Variants in ZNF804B observed in about 807,000 individuals in gnomAD.
The protein encoded by ZNF804B is zinc finger protein 804B, also known as zinc finger 804B.
A neutral mutation model predicts 101.4 loss-of-function variants in ZNF804B; 80 were observed. That is an observed-to-expected ratio of 0.79 (90% CI 0.66 to 0.95). The LOEUF (loss-of-function observed/expected upper bound fraction) is 0.95, where lower values mean the gene tolerates loss of function less well. Among genes scored for constraint, ZNF804B ranks in the 40% least tolerant of loss-of-function variants. The pLI is 0.00. For missense variants in ZNF804B, 1,673 were observed against 1,561.9 expected, an observed-to-expected ratio of 1.07 and a Z score of -1.20; for synonymous variants, 622 against 558.8, an observed-to-expected ratio of 1.11 and a Z score of -1.59.
At chr7:89,174,790 A>G (rs573042371) in intron 1 of ZNF804B, among the ~76,000 whole-genome samples, 19 of 152,002 alleles carry the variant, frequency 1.2e-4, no homozygotes, top group Admixed American at 1.2e-3. Flanking sequence ...AAAACACATA[A>G]CTAGGGTGAC....
chr7:89,038,292 G>A lies in ZNF804B; in HGVS notation c.109-179863G>A, dbSNP rs756398554. The stretch of plus-strand genomic sequence containing the variant: ...ATTTACATTTCTACCAACAGTGTAC[G>A]AGAGTTCCCTTCTCTCCACATCCTT... On this transcript the variant is annotated intron_variant, in intron 1 of 3. Coordinates refer to ENST00000333190, the MANE Select transcript of ZNF804B (RefSeq NM_181646.5). Among the ~76,000 whole-genome samples the A allele has an allele frequency of 3.3e-5, 5 of 152,038 alleles. No individual in the cohort carries two copies. In the South Asian group the frequency reaches 8.3e-4, roughly 25 times the overall value.
chr7:88,930,314 A>T (rs1352955452), intron 1 of ZNF804B, among the ~76,000 whole-genome samples: 1 of 151,974 alleles, frequency 6.6e-6, no homozygotes, highest in Non-Finnish European at 1.5e-5. Context: ...AAATTTGGCC[A>T]GTGATCTGCA....
At chr7:88,944,812 A>C (rs1793103615) in intron 1 of ZNF804B, among the ~76,000 whole-genome samples, 1 of 151,906 alleles carries the variant, frequency 6.6e-6, no homozygotes, top group Non-Finnish European at 1.5e-5. Flanking sequence ...TGACAGACTC[A>C]AGTAGAAAAT....
At chr7:88,789,558 G>C (rs1790348670) in intron 1 of ZNF804B, among the ~76,000 whole-genome samples, 1 of 151,898 alleles carries the variant, frequency 6.6e-6, no homozygotes, top group Non-Finnish European at 1.5e-5. Flanking sequence ...GTACTTTTTG[G>C]GTTCTCTCTG....
intron 1 of ZNF804B, among the ~76,000 whole-genome samples, chr7:89,010,100 C>T (rs578192298): frequency 2.8e-4 from 43 of 152,206 alleles, no homozygotes; most frequent in Non-Finnish European, 4.7e-4. Context: ...AACAAAAGGA[C>T]TGTTTCTCTT....
chr7:88,933,928 A>G (rs560911446), intron 1 of ZNF804B, among the ~76,000 whole-genome samples: 1 of 98,578 alleles, frequency 1.0e-5, no homozygotes, highest in Admixed American at 1.0e-4. Flanking sequence ...ATTTGTATTA[A>G]ACCAAAAAAA....
intron 1 of ZNF804B, among the ~76,000 whole-genome samples, chr7:88,805,616 T>C (rs1034014909): frequency 8.5e-5 from 13 of 152,280 alleles, no homozygotes; most frequent in African/African-American, 3.1e-4. Context: ...ACTTTTTTTG[T>C]GAAGACAATT....
At chr7:88,914,338 C>G (rs986795350) in intron 1 of ZNF804B, among the ~76,000 whole-genome samples, 1 of 152,132 alleles carries the variant, frequency 6.6e-6, no homozygotes, top group African/African-American at 2.4e-5. Flanking sequence ...GGCGTGCTCT[C>G]TCCTGCTCCT....
chr7:89,299,978 A>T (rs1236898187), intron 2 of ZNF804B, among the ~76,000 whole-genome samples: 1 of 151,790 alleles, frequency 6.6e-6, no homozygotes. Flanking sequence ...ATTTCCCAAC[A>T]ATTAATTCTG....
chr7:89,312,655 G>A (rs929921860), intron 2 of ZNF804B, among the ~76,000 whole-genome samples: 3 of 151,974 alleles, frequency 2.0e-5, no homozygotes, highest in African/African-American at 4.8e-5. Flanking sequence ...AAATACTTTA[G>A]CCCATTTCAC....
At chr7:89,217,146 T>C (rs1019893126) in intron 1 of ZNF804B, among the ~76,000 whole-genome samples, 1 of 152,192 alleles carries the variant, frequency 6.6e-6, no homozygotes, top group Admixed American at 6.5e-5. Context: ...TGAAAACAGA[T>C]AATTTAATGC....
chr7:89,115,587 G>T (rs1407761846), intron 1 of ZNF804B, among the ~76,000 whole-genome samples: 3 of 152,132 alleles, frequency 2.0e-5, no homozygotes, highest in South Asian at 2.1e-4. Context: ...GGAAGTTGAT[G>T]ATCTAAAAAT....
intron 1 of ZNF804B, among the ~76,000 whole-genome samples, chr7:88,982,280 T>C (rs1419963722): frequency 9.2e-5 from 14 of 152,094 alleles, no homozygotes; most frequent in Admixed American, 9.2e-4. Flanking sequence ...GTCAACACTT[T>C]AATAGTCTGA....
Position 89,282,273 on chromosome 7 carries a change from C to G in ZNF804B, c.250-45071C>G, listed in dbSNP as rs1376223497. ...TCTGGTTACTGCTTTTAACCAGATC[C>G]CAGCCTATGGAAGCTACCAAATTCA... On this transcript the variant is annotated intron_variant, in intron 2 of 3. Transcript: ENST00000333190. Among the ~76,000 whole-genome samples, 4 of 151,572 alleles carry G rather than the reference C, an allele frequency of 2.6e-5. No individual in the cohort carries two copies. The East Asian group carries it at 7.8e-4, about 29-fold the overall frequency.
At chr7:88,779,944 C>T (rs1790197808) in intron 1 of ZNF804B, among the ~76,000 whole-genome samples, 1 of 152,102 alleles carries the variant, frequency 6.6e-6, no homozygotes, top group African/African-American at 2.4e-5. Context: ...AAAAAACTGT[C>T]CAACTGGTCA....
intron 1 of ZNF804B, among the ~76,000 whole-genome samples, chr7:89,205,686 G>A (rs112357804): frequency 3.0e-4 from 46 of 152,252 alleles, no homozygotes; most frequent in African/African-American, 9.9e-4. Flanking sequence ...ACTTTGCAGG[G>A]TACATTCCCC....
intron 1 of ZNF804B, among the ~76,000 whole-genome samples, chr7:88,902,067 T>C (rs771589439): frequency 2.6e-5 from 4 of 151,954 alleles, no homozygotes; most frequent in Non-Finnish European, 4.4e-5. Context: ...TGCATAGATA[T>C]TACAACATTC....
intron 1 of ZNF804B, among the ~76,000 whole-genome samples, chr7:89,203,666 C>T (rs1055486508): frequency 6.6e-6 from 1 of 152,030 alleles, no homozygotes; most frequent in African/African-American, 2.4e-5. Flanking sequence ...AATGGTGTGC[C>T]TTTGTGAACA....
Position 89,320,351 on chromosome 7 carries a change from C to G in ZNF804B, c.250-6993C>G, listed in dbSNP as rs550794529. ...CTATAAAAAAGAATAAATAAAAATG[C>G]TAGAAACTAAAAACATGGTATCAAA... On this transcript the variant is annotated intron_variant, in intron 2 of 3. Coordinates refer to ENST00000333190, the MANE Select transcript of ZNF804B (RefSeq NM_181646.5). 2.0e-5 allele frequency among the ~76,000 whole-genome samples: 3 copies of G among 151,466 alleles called. No homozygotes were observed. The South Asian group carries it at 6.3e-4, about 32-fold the overall frequency.
Sources: gnomAD v4.1 joint callset for allele counts (sites outside exome capture counted in the v4.1 genomes callset) on GRCh38, gnomAD v4.1.1 for gene constraint, MANE v1.5 for transcripts, NCBI Gene and HGNC (gene_info 2026-07-23, HGNC 2026-07-21) for gene names.